Variants in KCNG1 observed in about 807,000 individuals in gnomAD.
KCNG1 encodes the protein potassium voltage-gated channel modifier subfamily G member 1, also known as voltage-gated potassium channel regulatory subunit KCNG1.
Under a neutral mutation model 32.4 loss-of-function variants are expected in KCNG1, and 17 were observed. The ratio of observed to expected loss-of-function variants is 0.52; its 90% CI spans 0.36 to 0.79. The LOEUF is 0.79. Ranked by LOEUF, KCNG1 falls within the 30% of genes least tolerant of loss-of-function variation. KCNG1 has a pLI of 0.00. For synonymous variants in KCNG1, 358 were observed against 339.9 expected (o/e 1.05, Z -0.59); for missense variants, 441 against 735.2 (o/e 0.60, Z 4.63).
chr20:51,016,741 CCCT>C (rs1988294036), intron 1 of KCNG1, among the ~76,000 whole-genome samples: 1 of 152,204 alleles, frequency 6.6e-6, no homozygotes, highest in East Asian at 1.9e-4. Context: ...GCTGAGTGAA[CCCT>C]CAATAGTCGC....
chr20:51,017,525 C>T (rs1400709123), intron 1 of KCNG1, among the ~76,000 whole-genome samples: 1 of 152,066 alleles, frequency 6.6e-6, no homozygotes, highest in African/African-American at 2.4e-5. Flanking sequence ...TGCTGGGAAG[C>T]GGTGTGGTTT....
intron 1 of KCNG1, among the ~76,000 whole-genome samples, chr20:51,021,543 C>G (rs886993147): frequency 3.3e-5 from 5 of 152,156 alleles, no homozygotes; most frequent in African/African-American, 1.2e-4. Context: ...ATGAATAAAC[C>G]TCTGCTCAGA....
rs140683074 is a variant in KCNG1, at chr20:51,005,232, G to C, written c.775-426C>G. On this transcript the variant is annotated intron_variant, in intron 2 of 2. Coordinates refer to ENST00000371571, the MANE Select transcript of KCNG1 (RefSeq NM_002237.4). The surrounding 1 kb of genome is among the most constrained non-coding windows in gnomAD (Gnocchi z 4.0). ...TTACCACCTTGCGTATAACCCCCAG[G>C]AAGTCTCTTCATTTAAAACAGTGCG... 129 of 158,196 alleles carry C rather than the reference G, an allele frequency of 8.2e-4. No individual in the cohort carries two copies. The highest frequency in any genetic ancestry group is 3.0e-3 in the Middle Eastern group (1 of 334). The allele number at this position is 158,196 out of a possible 1,614,324, so 9.8% of individuals were successfully genotyped here. A position where few individuals can be genotyped will look rare whatever the true frequency, so the allele number is the denominator to read the frequency against.
chr20:51,010,115 G>A lies in KCNG1; in HGVS notation c.224C>T (p.Ser75Leu). 1.2e-6 allele frequency: 2 copies of A among 1,613,820 alleles called. No homozygotes were observed. Among genetic ancestry groups the A allele is most frequent in the South Asian group, 1.1e-5 (1 of 91,082 alleles). The change falls in exon 2 of 3, where the codon TCG (serine) becomes TTG (leucine). Residue 75 changes from serine (S) to leucine (L), a missense_variant. Coordinates refer to ENST00000371571, the MANE Select transcript of KCNG1 (RefSeq NM_002237.4). ...IIINVGGIKYSLPWTTLDEFP... is the reference protein window; with the variant it reads ...IIINVGGIKYLLPWTTLDEFP... The stretch of plus-strand genomic sequence containing the variant: ...CTCGTCCAGCGTGGTCCAGGGCAGC[G>A]AGTACTTGATGCCGCCTACGTTGAT...
chr20:51,008,835 C>G (rs1191896513), intron 2 of KCNG1, among the ~76,000 whole-genome samples: 2 of 152,114 alleles, frequency 1.3e-5, no homozygotes, highest in Non-Finnish European at 2.9e-5. Context: ...GGACTTAGAC[C>G]TGGGGTTGGG....
chr20:51,009,580 C>G lies in KCNG1; in HGVS notation c.759G>C (p.Arg253Ser). 6.2e-7 allele frequency: 1 copy of G among 1,605,930 alleles called. No individual in the cohort carries two copies. The highest frequency in any genetic ancestry group is 8.5e-7 in the Non-Finnish European group (1 of 1,177,256). ...GGGCTCTTACCTGCTCCTCCTCCTCCCTCAGGCTGGGCAAGGTGCTGACGG... is the reference window on the plus strand; with the variant it reads ...GGGCTCTTACCTGCTCCTCCTCCTCGCTCAGGCTGGGCAAGGTGCTGACGG... ...NLSVSTLPSL[R>S]EEEEQGHCSQ... The change falls in exon 2 of 3, where the codon AGG becomes AGC. Residue 253 changes from arginine (R) to serine (S), a missense_variant. This residue lies in a region of KCNG1 where 169 missense variants were observed against 297.7 expected (regional missense o/e 0.57). Coordinates refer to ENST00000371571, the MANE Select transcript of KCNG1 (RefSeq NM_002237.4).
chr20:51,016,368 C>A (rs1188939699), intron 1 of KCNG1, among the ~76,000 whole-genome samples: 1 of 151,960 alleles, frequency 6.6e-6, no homozygotes, highest in Non-Finnish European at 1.5e-5. Flanking sequence ...ACCTGGAAGG[C>A]AGAGGTTGCA....
At chr20:51,021,359 C>G (rs561402819) in intron 1 of KCNG1, among the ~76,000 whole-genome samples, 1 of 152,334 alleles carries the variant, frequency 6.6e-6, no homozygotes, top group East Asian at 1.9e-4. Context: ...ACAAATAGAG[C>G]TCAGGTCTGG....
At chr20:51,017,820 A>G (rs904530051) in intron 1 of KCNG1, among the ~76,000 whole-genome samples, 2 of 152,106 alleles carry the variant, frequency 1.3e-5, no homozygotes, top group African/African-American at 4.8e-5. Context: ...CAACGTGTCA[A>G]TCTCCTAGAG....
chr20:51,009,173 C>A (rs1028991491), intron 2 of KCNG1, among the ~76,000 whole-genome samples: 1 of 152,098 alleles, frequency 6.6e-6, no homozygotes, highest in Non-Finnish European at 1.5e-5. Context: ...GAGAAAGGAC[C>A]GAATGGTTGA....
chr20:51,008,038 A>G (rs1254803534), intron 2 of KCNG1: 3 of 152,196 alleles, frequency 2.0e-5, no homozygotes, highest in Non-Finnish European at 4.4e-5. Flanking sequence ...TCAGTGCTCA[A>G]TAAATATTGG....
In KCNG1 at chr20:51,010,372, G is replaced by A. The variant is rs746235075; in HGVS notation, c.-26-8C>T. 1 of 1,493,634 alleles carries A rather than the reference G, an allele frequency of 6.7e-7. No homozygotes were observed. Among genetic ancestry groups the A allele is most frequent in the African/African-American group, 1.4e-5 (1 of 71,462 alleles). 92.5% of individuals were successfully genotyped at this position (1,493,634 alleles called of 1,614,324 possible). ...TTCACATCCCTCTCGGGCCTGTGGG[G>A]AGAAGGGAGGGAAGACCCTCAGTGA... On this transcript the variant is annotated splice_region_variant and splice_polypyrimidine_tract_variant and intron_variant, in intron 1 of 2. Transcript: ENST00000371571.
chr20:51,010,764 G>C (rs1019860271), intron 1 of KCNG1, among the ~76,000 whole-genome samples: 1 of 152,086 alleles, frequency 6.6e-6, no homozygotes, highest in Non-Finnish European at 1.5e-5. Flanking sequence ...GCATGGTGGC[G>C]TGCACCTGTA....
At chr20:51,018,169 A>G (rs116695786) in intron 1 of KCNG1, among the ~76,000 whole-genome samples, 4,709 of 152,168 alleles carry the variant, frequency 0.031, 202 homozygotes, top group African/African-American at 0.092. Flanking sequence ...GCGGAATGGG[A>G]TGGAGTGAAG....
At chr20:51,021,010 C>T (rs1568807372) in intron 1 of KCNG1, among the ~76,000 whole-genome samples, 3 of 152,196 alleles carry the variant, frequency 2.0e-5, no homozygotes, top group Admixed American at 2.0e-4. Context: ...TCACATCTCC[C>T]TCCCAGAGGC....
In KCNG1 at chr20:51,005,138, G is replaced by A. The variant is rs1987779058; in HGVS notation, c.775-332C>T. The A allele has an allele frequency of 4.0e-6, 1 of 252,624 alleles. No individual in the cohort carries two copies. Among genetic ancestry groups the A allele is most frequent in the Non-Finnish European group, 7.4e-6 (1 of 134,400 alleles). 15.6% of individuals were successfully genotyped at this position (252,624 alleles called of 1,614,324 possible). On this transcript the variant is annotated intron_variant, in intron 2 of 2. Transcript: ENST00000371571. This position sits in a 1 kb window ranked among gnomAD's most constrained non-coding sequence, Gnocchi z 4.0. ...ATCCTGGTTTCCTCTGCCCACTGGT[G>A]GTTTCCCTCCCTAGCTTTAGGCAAT...
rs369315487 is a variant in KCNG1 at position 51,017,853 on chromosome 20, G to A, written c.-27+5017C>T. ...GAGGCTCTGGAAGGCTGTGAGTCCC[G>A]CTTCATTGGAGAAATGAAATCCCTT... On this transcript the variant is annotated intron_variant, in intron 1 of 2. Transcript: ENST00000371571. Among the ~76,000 whole-genome samples the A allele has an allele frequency of 4.6e-5, 7 of 152,134 alleles. No homozygotes were observed. In the East Asian group the frequency reaches 9.6e-4, roughly 21 times the overall value.
Position 51,019,491 on chromosome 20 carries a change from T to C in KCNG1, c.-27+3379A>G, listed in dbSNP as rs6020914. On this transcript the variant is annotated intron_variant, in intron 1 of 2. Coordinates refer to ENST00000371571, the MANE Select transcript of KCNG1 (RefSeq NM_002237.4). ...GTGACACTGCACTCCAGCTGGGTGA[T>C]AGAGCAAGACCCTGTCTTCAAAAAT... 7.9e-5 allele frequency among the ~76,000 whole-genome samples: 12 copies of C among 151,856 alleles called. 1 individual carries two copies. Among genetic ancestry groups the C allele is most frequent in the South Asian group, 4.2e-4 (2 of 4,804 alleles).
At chr20:51,022,320 C>A (rs1568808058) in intron 1 of KCNG1, among the ~76,000 whole-genome samples, 1 of 152,204 alleles carries the variant, frequency 6.6e-6, no homozygotes, top group African/African-American at 2.4e-5. Context: ...ACCTTCCTAC[C>A]AGTTCCTGGG....
Sources: gnomAD v4.1 joint callset for allele counts (sites outside exome capture counted in the v4.1 genomes callset) on GRCh38, gnomAD v4.1.1 for gene constraint, gnomAD v4.1.1 regional missense constraint, Gnocchi (gnomAD v3.1) non-coding constraint, MANE v1.5 for transcripts, NCBI Gene and HGNC (gene_info 2026-07-23, HGNC 2026-07-21) for gene names.